The following PTPRT variants were observed in gnomAD, a reference collection of about 807,000 sequenced individuals.
PTPRT encodes protein tyrosine phosphatase receptor type T.
A neutral mutation model predicts 176.8 loss-of-function variants in PTPRT; 56 were observed. The ratio of observed to expected loss-of-function variants is 0.32; its 90% CI spans 0.26 to 0.40. The LOEUF (loss-of-function observed/expected upper bound fraction) is 0.40. Ranked by LOEUF, PTPRT falls within the 10% of genes least tolerant of loss-of-function variation. The probability of loss-of-function intolerance (pLI) is 1.00; values close to 1 mark genes in which losing one functional copy is unlikely to be tolerated. For synonymous variants in PTPRT, 783 were observed against 739.0 expected, an observed-to-expected ratio of 1.06 and a Z score of -0.96; for missense variants, 1,540 against 1,908.2, an observed-to-expected ratio of 0.81 and a Z score of 3.60.
At chr20:42,528,872 T>C (rs963609293) in intron 7 of PTPRT, among the ~76,000 whole-genome samples, 3 of 152,180 alleles carry the variant, frequency 2.0e-5, no homozygotes, top group Non-Finnish European at 4.4e-5. Context: ...TCCGGGATAG[T>C]TTCATTTTTA....
At chr20:42,201,730 CA>C (rs57007206) in intron 15 of PTPRT, among the ~76,000 whole-genome samples, 2,846 of 73,934 alleles carry the variant, frequency 0.038, 57 homozygotes, top group African/African-American at 0.1. Context: ...GAACCAGAGG[CA>C]AAAAAAAAAA....
intron 7 of PTPRT, among the ~76,000 whole-genome samples, chr20:42,540,230 A>T (rs1288138538): frequency 6.6e-6 from 1 of 152,158 alleles, no homozygotes; most frequent in Non-Finnish European, 1.5e-5. Context: ...GGATGCTGGG[A>T]TGTAATAGAA....
Position 42,250,768 on chromosome 20 carries a change from G to T in PTPRT, c.2177-1946C>A, listed in dbSNP as rs866841535. 4.6e-5 allele frequency among the ~76,000 whole-genome samples: 7 copies of T among 152,190 alleles called. No individual in the cohort carries two copies. In the East Asian group the frequency reaches 1.3e-3, roughly 29 times the overall value. Reference sequence around the variant, plus strand: ...ATCATTCATTATTTTGCCATTGAGTGGCCATGTGCTGTGTGCTAAACTATG... The same window carrying T: ...ATCATTCATTATTTTGCCATTGAGTTGCCATGTGCTGTGTGCTAAACTATG... On this transcript the variant is annotated intron_variant, in intron 13 of 30. Transcript: ENST00000373187.
At chr20:42,067,503 C>T in the PTPRT span, among the ~76,000 whole-genome samples, 1 of 152,148 alleles carries the variant, frequency 6.6e-6, no homozygotes, top group African/African-American at 2.4e-5. Context: ...CAACCACCCT[C>T]TTGCTCTTGC....
intron 12 of PTPRT, among the ~76,000 whole-genome samples, chr20:42,287,950 C>G (rs2057258423): frequency 6.6e-6 from 1 of 151,682 alleles, no homozygotes; most frequent in Non-Finnish European, 1.5e-5. Context: ...TTGTGAGGGC[C>G]ATGTAATAAC....
At chr20:42,780,948 T>C (rs2077205545) in intron 3 of PTPRT, among the ~76,000 whole-genome samples, 2 of 152,168 alleles carry the variant, frequency 1.3e-5, no homozygotes, top group African/African-American at 2.4e-5. Flanking sequence ...TCTGTGTGGA[T>C]AGCATGGCCA....
intron 12 of PTPRT, among the ~76,000 whole-genome samples, chr20:42,296,907 C>T (rs1364206449): frequency 6.6e-6 from 1 of 151,940 alleles, no homozygotes; most frequent in East Asian, 1.9e-4. Flanking sequence ...ATATCACATG[C>T]CTGTATCAAA....
intron 7 of PTPRT, among the ~76,000 whole-genome samples, chr20:42,644,855 A>C (rs900674016): frequency 3.3e-5 from 5 of 152,198 alleles, no homozygotes; most frequent in African/African-American, 9.7e-5. Context: ...TATGTATTGC[A>C]CAGATTACTA....
rs781289573 is a variant in PTPRT at position 42,248,836 on chromosome 20, G to A, written c.2177-14C>T. ...GGGTGGAGGCACCTAGGAAGGGAAAGGGAAGGATAGCAATGTTGAAAGCAC... is the reference window on the plus strand; with the variant it reads ...GGGTGGAGGCACCTAGGAAGGGAAAAGGAAGGATAGCAATGTTGAAAGCAC... On this transcript the variant is annotated splice_polypyrimidine_tract_variant and intron_variant, in intron 13 of 30. Transcript: ENST00000373187. The A allele has an allele frequency of 4.3e-6, 7 of 1,612,994 alleles. No homozygotes were observed. The highest frequency in any genetic ancestry group is 1.6e-4 in the Middle Eastern group (1 of 6,076).
chr20:42,305,605 G>A (rs1292402629), intron 12 of PTPRT, among the ~76,000 whole-genome samples: 1 of 152,082 alleles, frequency 6.6e-6, no homozygotes, highest in African/African-American at 2.4e-5. Context: ...TAACATGTGT[G>A]TGCACGTGTG....
intron 1 of PTPRT, among the ~76,000 whole-genome samples, chr20:43,090,359 C>G (rs934906995): frequency 1.3e-5 from 2 of 151,956 alleles, no homozygotes; most frequent in Non-Finnish European, 2.9e-5. Flanking sequence ...GCTCCGCCTC[C>G]CGGGTTCATG....
At chr20:42,308,166 A>C (rs1380717963) in intron 12 of PTPRT, among the ~76,000 whole-genome samples, 1 of 152,082 alleles carries the variant, frequency 6.6e-6, no homozygotes, top group Non-Finnish European at 1.5e-5. Context: ...AAATAACCAC[A>C]AAAATGGCCA....
Position 42,081,995 on chromosome 20 carries a change from T to C in PTPRT, c.4159A>G (p.Thr1387Ala). Reference sequence around the variant, plus strand: ...CACACACTGCAGATGGCACAGAAGGTTCCACTACGGCCTCCCCCATTTCTA... The same window carrying C: ...CACACACTGCAGATGGCACAGAAGGCTCCACTACGGCCTCCCCCATTTCTA... The part of the protein sequence containing the change: ...HCLNGGGRSG[T>A]FCAICSVCEM... The change falls in exon 30 of 31, where the codon ACC becomes GCC. Residue 1387 changes from threonine to alanine, a missense_variant. Physicochemically the swap from Thr to Ala is moderately conservative, Grantham distance 58. Around this residue, in one of 11 missense-constraint regions of PTPRT, gnomAD observed 342 missense variants for 394.0 expected, o/e 0.87. Transcript: ENST00000373187. 1 of 1,614,178 alleles carries C rather than the reference T, an allele frequency of 6.2e-7. No homozygotes were observed. Among genetic ancestry groups the C allele is most frequent in the African/African-American group, 1.3e-5 (1 of 75,038 alleles).
chr20:42,920,459 G>A (rs1054848795), intron 1 of PTPRT, among the ~76,000 whole-genome samples: 1 of 151,994 alleles, frequency 6.6e-6, no homozygotes, highest in African/African-American at 2.4e-5. Flanking sequence ...AGAAGGAAGG[G>A]GAGGGACTCT....
chr20:42,520,480 T>C (rs1479223116), intron 7 of PTPRT, among the ~76,000 whole-genome samples: 1 of 152,022 alleles, frequency 6.6e-6, no homozygotes, highest in Non-Finnish European at 1.5e-5. Flanking sequence ...ACGGCTTAGA[T>C]TTTTCTGTTT....
chr20:42,750,128 G>A (rs886182450), intron 6 of PTPRT, among the ~76,000 whole-genome samples: 2 of 152,176 alleles, frequency 1.3e-5, no homozygotes, highest in African/African-American at 4.8e-5. Flanking sequence ...TCAGAAGAGG[G>A]AGACCTTAAG....
chr20:42,236,164 G>A, intron 15 of PTPRT, 65 bp downstream of exon 15: 2 of 1,392,570 alleles, frequency 1.4e-6, no homozygotes, highest in African/African-American at 1.4e-5. Flanking sequence ...GGTTGGTGCA[G>A]GAAATGCATG....
chr20:42,712,129 T>G (rs1166640266), intron 6 of PTPRT, among the ~76,000 whole-genome samples: 2 of 152,128 alleles, frequency 1.3e-5, no homozygotes, highest in East Asian at 3.9e-4. Flanking sequence ...ATGAGGGCAT[T>G]CTGACAGCAA....
At chr20:42,583,357 G>C (rs1263844297) in intron 7 of PTPRT, among the ~76,000 whole-genome samples, 1 of 152,112 alleles carries the variant, frequency 6.6e-6, no homozygotes, top group Non-Finnish European at 1.5e-5. Flanking sequence ...TTCATTAACT[G>C]TCAGGGGTTA....
Sources: allele counts gnomAD v4.1 joint callset (sites outside exome capture counted in the v4.1 genomes callset), GRCh38; gene constraint gnomAD v4.1.1; regional missense constraint gnomAD v4.1.1; transcripts MANE v1.5; gene names NCBI Gene and HGNC (gene_info 2026-07-23, HGNC 2026-07-21).